The following LPXN variants were observed in gnomAD, a reference collection of about 807,000 sequenced individuals.
LPXN encodes the protein leupaxin.
Under a neutral mutation model 45.6 loss-of-function variants are expected in LPXN, and 28 were observed. The ratio of observed to expected loss-of-function variants is 0.61; its 90% CI spans 0.45 to 0.84. The LOEUF (loss-of-function observed/expected upper bound fraction) is 0.84, where lower values mean the gene tolerates loss of function less well. LPXN is among the 40% of genes least tolerant of loss of function. The pLI, the probability that LPXN is intolerant of heterozygous loss-of-function variation, is 0.00. For missense variants in LPXN, 459 were observed against 475.0 expected (o/e 0.97, Z 0.31); for synonymous variants, 166 against 169.9 (o/e 0.98, Z 0.18).
upstream of LPXN, chr11:58,575,977 A>G: frequency 4.3e-6 from 6 of 1,393,062 alleles, no homozygotes; most frequent in Non-Finnish European, 5.6e-6. Flanking sequence ...AGTTTTAAAA[A>G]TGTGACTGAC....
intron 3 of LPXN, among the ~76,000 whole-genome samples, chr11:58,560,856 G>A (rs1854352773): frequency 6.6e-6 from 1 of 152,164 alleles, no homozygotes; most frequent in African/African-American, 2.4e-5. Context: ...TTTTCAAATA[G>A]ATAATGTATT....
chr11:58,543,999 C>T (rs1355698280), intron 7 of LPXN, among the ~76,000 whole-genome samples: 2 of 152,148 alleles, frequency 1.3e-5, no homozygotes, highest in Non-Finnish European at 2.9e-5. Flanking sequence ...CTTTGTTCAA[C>T]TTTGCTTTCT....
intron 7 of LPXN, among the ~76,000 whole-genome samples, chr11:58,539,144 C>CA (rs1208601095): frequency 6.6e-6 from 1 of 151,992 alleles, no homozygotes; most frequent in South Asian, 2.1e-4. Context: ...CCACTCTCTA[C>CA]AAAAAATTTT....
intron 8 of LPXN, 119 bp from the exon 9 acceptor site, chr11:58,527,842 T>C: frequency 8.4e-7 from 1 of 1,186,464 alleles, no homozygotes; most frequent in Non-Finnish European, 1.2e-6. Context: ...GGAATTTCCC[T>C]CAGGTTCTTG....
intron 5 of LPXN, among the ~76,000 whole-genome samples, 169 bp downstream of exon 5, chr11:58,550,896 A>G (rs970032588): frequency 3.9e-5 from 6 of 152,200 alleles, no homozygotes; most frequent in Admixed American, 3.3e-4. Context: ...GTGACCATTA[A>G]ATGAGGAAAT....
At chr11:58,549,911 A>G (rs766739910) in intron 6 of LPXN, 44 bp from the exon 7 acceptor site, 1 of 1,613,896 alleles carries the variant, frequency 6.2e-7, no homozygotes, top group Admixed American at 1.7e-5. Context: ...CAGAAGTTGT[A>G]AAGCATGACT....
chr11:58,555,169 G>C (rs548981232), intron 3 of LPXN, among the ~76,000 whole-genome samples: 44 of 152,134 alleles, frequency 2.9e-4, no homozygotes, highest in African/African-American at 9.9e-4. Flanking sequence ...ATTATAAAAA[G>C]TATTATATCT....
intron 8 of LPXN, 144 bp downstream of exon 8, chr11:58,527,899 G>C (rs1853274400): frequency 2.1e-5 from 24 of 1,145,180 alleles, no homozygotes; most frequent in Non-Finnish European, 3.0e-5. Flanking sequence ...CAAGCAAATG[G>C]ATCTGTATCT....
intron 5 of LPXN, 78 bp from the exon 6 acceptor site, chr11:58,550,224 C>T (rs1854008745): frequency 7.5e-6 from 10 of 1,330,076 alleles, no homozygotes; most frequent in Non-Finnish European, 7.5e-6. Context: ...CTCTAGGGAG[C>T]ACTCTTCACA....
chr11:58,546,351 T>C (rs1853875470), intron 7 of LPXN, among the ~76,000 whole-genome samples: 1 of 151,968 alleles, frequency 6.6e-6, no homozygotes, highest in African/African-American at 2.4e-5. Context: ...TGCCTTATCT[T>C]ACCGTAAGAT....
chr11:58,547,361 T>C (rs956658), intron 7 of LPXN, among the ~76,000 whole-genome samples: 66,305 of 152,002 alleles, frequency 0.44, 14,711 homozygotes, highest in Middle Eastern at 0.54. Context: ...AGAGAATAGC[T>C]AGTCAAGACA....
intron 8 of LPXN, 90 bp from the exon 9 acceptor site, chr11:58,527,813 C>CA: frequency 7.7e-7 from 1 of 1,297,682 alleles, no homozygotes; most frequent in South Asian, 1.4e-5. Flanking sequence ...AAATTCCTGA[C>CA]AGTTACCTGC....
intron 3 of LPXN, among the ~76,000 whole-genome samples, chr11:58,557,460 CAT>C (rs1854239241): frequency 6.6e-6 from 1 of 152,064 alleles, no homozygotes; most frequent in Non-Finnish European, 1.5e-5. Context: ...AAGAAAGAAA[CAT>C]ATTGCATGAT....
chr11:58,563,027 T>C (rs1450913987), intron 3 of LPXN, among the ~76,000 whole-genome samples: 1 of 152,198 alleles, frequency 6.6e-6, no homozygotes, highest in African/African-American at 2.4e-5. Flanking sequence ...TAAGTTAGTA[T>C]TGGTACACCA....
chr11:58,573,928 T>A (rs1451414080), intron 1 of LPXN, among the ~76,000 whole-genome samples: 1 of 152,190 alleles, frequency 6.6e-6, no homozygotes, highest in African/African-American at 2.4e-5. Flanking sequence ...GCCTACGTAA[T>A]GAGGGTTTAG....
rs909753217 is a variant in LPXN at position 58,527,280 on chromosome 11, A to G, written c.*174T>C. 2.1e-5 allele frequency: 13 copies of G among 627,550 alleles called. No individual in the cohort carries two copies. The highest frequency in any genetic ancestry group is 3.3e-5 in the Non-Finnish European group (12 of 364,432). The allele number at this position is 627,550 out of a possible 1,614,324, so 38.9% of individuals were successfully genotyped here. A position where few individuals can be genotyped will look rare whatever the true frequency, so the allele number is the denominator to read the frequency against. On this transcript the variant is annotated 3_prime_UTR_variant, in exon 9 of 9. Coordinates refer to ENST00000395074, the MANE Select transcript of LPXN (RefSeq NM_004811.3). ...AATTAACTGTATAGAAGCCTAAAAAATAAGATTATCAGCCTAGTCATGTAA... is the reference window on the plus strand; with the variant it reads ...AATTAACTGTATAGAAGCCTAAAAAGTAAGATTATCAGCCTAGTCATGTAA...
intron 7 of LPXN, among the ~76,000 whole-genome samples, chr11:58,543,846 C>T (rs143550133): frequency 1.8e-4 from 28 of 152,268 alleles, no homozygotes; most frequent in Non-Finnish European, 3.2e-4. Flanking sequence ...GTAAAGCAGA[C>T]TATCTAGAAA....
In LPXN at chr11:58,528,201, T is replaced by TA. The variant is rs772652075; in HGVS notation, c.743-11dup. 2.4e-5 allele frequency: 39 copies of TA among 1,611,974 alleles called. No homozygotes were observed. The highest frequency in any genetic ancestry group is 1.7e-4 in the Middle Eastern group (1 of 6,034). On this transcript the variant is annotated splice_polypyrimidine_tract_variant and intron_variant, in intron 7 of 8. Coordinates refer to ENST00000395074, the MANE Select transcript of LPXN (RefSeq NM_004811.3). Reference sequence around the variant, plus strand: ...TCCTTCTCATGAAAGCCTGGAGAGATAAAATCAGGAATTCACTGTTGCAGG... The same window carrying TA: ...TCCTTCTCATGAAAGCCTGGAGAGATAAAAATCAGGAATTCACTGTTGCAGG...
chr11:58,576,761 T>A (rs968377855), upstream of LPXN, among the ~76,000 whole-genome samples: 1 of 152,192 alleles, frequency 6.6e-6, no homozygotes, highest in Non-Finnish European at 1.5e-5. Context: ...GGATCTTTCC[T>A]CTACAACACC....
Sources: gnomAD v4.1 joint callset for allele counts (sites outside exome capture counted in the v4.1 genomes callset) on GRCh38, gnomAD v4.1.1 for gene constraint, MANE v1.5 for transcripts, NCBI Gene and HGNC (gene_info 2026-07-23, HGNC 2026-07-21) for gene names.